CLIC5: variants seen among roughly 807,000 people sequenced by gnomAD.
CLIC5 encodes the protein chloride intracellular channel protein 5.
CLIC5 carries 20 observed loss-of-function variants against 24.7 expected under a neutral mutation model. The observed-to-expected ratio is 0.81, with a 90% CI of 0.57 to 1.18. CLIC5 has a LOEUF of 1.18. Ranked by LOEUF, CLIC5 falls within the 50% of genes most tolerant of loss-of-function variation. CLIC5 has a pLI of 0.00. For missense variants in CLIC5, 341 were observed against 326.1 expected, an observed-to-expected ratio of 1.05 and a Z score of -0.35; for synonymous variants, 159 against 135.6, an observed-to-expected ratio of 1.17 and a Z score of -1.20.
chr6:46,028,483 A>T (rs1294764146), intron 1 of CLIC5, among the ~76,000 whole-genome samples: 1 of 152,232 alleles, frequency 6.6e-6, no homozygotes, highest in Non-Finnish European at 1.5e-5. Context: ...AAGATAAAAT[A>T]TTGTAATATG....
At chr6:46,048,252 C>T (rs1218898997) in intron 1 of CLIC5, among the ~76,000 whole-genome samples, 7 of 152,196 alleles carry the variant, frequency 4.6e-5, no homozygotes, top group African/African-American at 1.7e-4. Context: ...ATCCACCCAC[C>T]TGGGCCTCCC....
At chr6:46,123,628 A>G in the CLIC5 span, among the ~76,000 whole-genome samples, 6 of 152,224 alleles carry the variant, frequency 3.9e-5, no homozygotes, top group Admixed American at 3.9e-4. Flanking sequence ...AATTAGGAAA[A>G]GAGGAAGTCA....
Position 45,927,897 on chromosome 6 carries a change from A to G in CLIC5, c.407-13488T>C, listed in dbSNP as rs533456430. ...AGGGGTCCCTTCCAACTAAGAACCT[A>G]TGGGGGTTATTCTTCCTCTAAAACC... is the stretch of plus-strand genomic sequence containing the variant. On this transcript the variant is annotated intron_variant, in intron 4 of 5. Transcript: ENST00000339561. Among the ~76,000 whole-genome samples the G allele has an allele frequency of 3.3e-5, 5 of 152,246 alleles. No individual in the cohort carries two copies. In the South Asian group the frequency reaches 8.3e-4, roughly 25 times the overall value.
chr6:45,995,937 G>A (rs895090473), intron 1 of CLIC5, among the ~76,000 whole-genome samples: 1 of 152,012 alleles, frequency 6.6e-6, no homozygotes, highest in Non-Finnish European at 1.5e-5. Context: ...ACAGGAAGTG[G>A]AACAACACAC....
intron 1 of CLIC5, among the ~76,000 whole-genome samples, chr6:46,000,696 G>A (rs1413589588): frequency 1.3e-5 from 2 of 152,116 alleles, no homozygotes; most frequent in East Asian, 3.9e-4. Flanking sequence ...CTGCCAGCAG[G>A]GGAAATGCCA....
At chr6:45,927,702 G>C (rs1198688831) in intron 4 of CLIC5, among the ~76,000 whole-genome samples, 1 of 152,108 alleles carries the variant, frequency 6.6e-6, no homozygotes, top group African/African-American at 2.4e-5. Context: ...TGCCCCTAGA[G>C]ACTCAAAGTG....
chr6:46,057,302 C>T (rs760917454), intron 1 of CLIC5, among the ~76,000 whole-genome samples: 35 of 152,194 alleles, frequency 2.3e-4, no homozygotes, highest in Admixed American at 5.9e-4. Context: ...ATAAGTCTCA[C>T]AAAATCTGAT....
chr6:46,055,073 C>T (rs539388553), intron 1 of CLIC5, among the ~76,000 whole-genome samples: 3 of 152,282 alleles, frequency 2.0e-5, no homozygotes, highest in African/African-American at 7.2e-5. Context: ...TCTAAATTCC[C>T]GAAGAACATT....
the CLIC5 span, among the ~76,000 whole-genome samples, chr6:46,104,530 T>C: frequency 6.6e-6 from 1 of 151,896 alleles, no homozygotes; most frequent in Admixed American, 6.6e-5. Flanking sequence ...CTGTCCCTGG[T>C]AATGAATTTT....
intron 4 of CLIC5, chr6:45,920,756 G>T (rs974392423): frequency 6.8e-6 from 4 of 587,184 alleles, no homozygotes; most frequent in Non-Finnish European, 8.6e-6. Flanking sequence ...GGAGCAAGCG[G>T]GATGTAGGAG....
chr6:45,992,557 T>C (rs550508351), intron 1 of CLIC5, among the ~76,000 whole-genome samples: 2 of 152,300 alleles, frequency 1.3e-5, no homozygotes, highest in East Asian at 3.9e-4. Context: ...GTAAACTACA[T>C]AGCGTGTGTT....
chr6:45,886,102 A>G (rs1448563716), intron 6 of CLIC5, among the ~76,000 whole-genome samples: 1 of 152,212 alleles, frequency 6.6e-6, no homozygotes, highest in African/African-American at 2.4e-5. Context: ...CAGAAGGAGG[A>G]GGCTTCTACC....
chr6:46,041,150 C>G (rs974344499), intron 1 of CLIC5, among the ~76,000 whole-genome samples: 6 of 152,120 alleles, frequency 3.9e-5, no homozygotes, highest in Admixed American at 1.3e-4. Flanking sequence ...TTAGAATACA[C>G]AAAGCTATGT....
intron 1 of CLIC5, among the ~76,000 whole-genome samples, chr6:46,038,528 A>G (rs545233228): frequency 6.2e-4 from 95 of 152,344 alleles, no homozygotes; most frequent in Non-Finnish European, 1.1e-3. Context: ...AGCCATGAAC[A>G]ATGGAAATGA....
At chr6:45,997,001 T>A (rs1327815084) in intron 1 of CLIC5, among the ~76,000 whole-genome samples, 1 of 152,174 alleles carries the variant, frequency 6.6e-6, no homozygotes, top group Non-Finnish European at 1.5e-5. Flanking sequence ...ATCCCATTAC[T>A]GGGTATATAC....
At chr6:46,068,553 C>A (rs1343515804) in intron 1 of CLIC5, among the ~76,000 whole-genome samples, 1 of 152,106 alleles carries the variant, frequency 6.6e-6, no homozygotes, top group Admixed American at 6.6e-5. Flanking sequence ...AACAAGTAAT[C>A]ATAGCATTTA....
chr6:46,076,557 A>G (rs1183818918), intron 1 of CLIC5, among the ~76,000 whole-genome samples: 3 of 152,168 alleles, frequency 2.0e-5, no homozygotes, highest in Non-Finnish European at 4.4e-5. Flanking sequence ...CTTCTAGAAG[A>G]TGGAAAAGAG....
intron 1 of CLIC5, among the ~76,000 whole-genome samples, chr6:46,065,669 T>G (rs1455018585): frequency 6.6e-6 from 1 of 152,318 alleles, no homozygotes; most frequent in East Asian, 1.9e-4. Flanking sequence ...CACAAAAGAT[T>G]ACACAGAGTT....
chr6:46,092,045 C>G, the CLIC5 span, among the ~76,000 whole-genome samples: 2 of 152,156 alleles, frequency 1.3e-5, no homozygotes, highest in African/African-American at 2.4e-5. Context: ...TTGATGATAG[C>G]CATTCTAGCC....
Sources: allele counts gnomAD v4.1 joint callset (sites outside exome capture counted in the v4.1 genomes callset), GRCh38; gene constraint gnomAD v4.1.1; transcripts MANE v1.5; gene names NCBI Gene and HGNC (gene_info 2026-07-23, HGNC 2026-07-21).